Variants in ADAMTSL1 observed in about 807,000 individuals in gnomAD.
The protein encoded by ADAMTSL1 is ADAMTS like 1.
In ADAMTSL1, 126 loss-of-function variants were observed where a neutral mutation model predicts 201.8. That is an observed-to-expected ratio of 0.62 (90% CI 0.54 to 0.72). ADAMTSL1 has a LOEUF of 0.72. ADAMTSL1 is among the 30% of genes least tolerant of loss of function. The pLI, the probability that ADAMTSL1 is intolerant of heterozygous loss-of-function variation, is 0.00. For missense variants in ADAMTSL1, 2,679 were observed against 2,277.8 expected, an observed-to-expected ratio of 1.18 and a Z score of -3.59; for synonymous variants, 1,121 against 903.4, an observed-to-expected ratio of 1.24 and a Z score of -4.32.
Position 18,846,544 on chromosome 9 carries a change from T to C in ADAMTSL1, c.4249+16567T>C, listed in dbSNP as rs532017366. On this transcript the variant is annotated intron_variant, in intron 23 of 28. Transcript: ENST00000380548. ...CAAATTGCTGGTGCTCTGTAAGATA[T>C]TTACACTTTGCCCTAAGTGCAATGG... 7.9e-5 allele frequency among the ~76,000 whole-genome samples: 12 copies of C among 152,300 alleles called. No homozygotes were observed. In the South Asian group the frequency reaches 2.5e-3, roughly 32 times the overall value.
chr9:18,797,181 A>G (rs1428045204), intron 20 of ADAMTSL1, among the ~76,000 whole-genome samples: 2 of 152,202 alleles, frequency 1.3e-5, no homozygotes, highest in Non-Finnish European at 2.9e-5. Context: ...AAGTATGACT[A>G]CAGACACCAC....
At chr9:18,024,734 C>G (rs556642772) in intron 1 of ADAMTSL1, among the ~76,000 whole-genome samples, 2 of 152,012 alleles carry the variant, frequency 1.3e-5, no homozygotes, top group Non-Finnish European at 2.9e-5. Context: ...CGTACGAGTA[C>G]GTGTGTCTTT....
chr9:18,660,975 C>T (rs559796650), intron 8 of ADAMTSL1, among the ~76,000 whole-genome samples: 25 of 152,022 alleles, frequency 1.6e-4, no homozygotes, highest in Admixed American at 7.2e-4. Context: ...TAGCAATAAC[C>T]GTGTTCAACC....
intron 9 of ADAMTSL1, among the ~76,000 whole-genome samples, chr9:18,663,954 T>C (rs1322601027): frequency 6.6e-6 from 1 of 152,094 alleles, no homozygotes; most frequent in Non-Finnish European, 1.5e-5. Context: ...GCCTTTTCTA[T>C]GTCCAGTGTT....
chr9:18,061,574 C>T (rs558592861), intron 1 of ADAMTSL1, among the ~76,000 whole-genome samples: 1 of 152,240 alleles, frequency 6.6e-6, no homozygotes, highest in African/African-American at 2.4e-5. Context: ...GACCTAGGCT[C>T]TAACAGCTGT....
chr9:18,160,201 T>G (rs1352102615), intron 1 of ADAMTSL1, among the ~76,000 whole-genome samples: 1 of 152,012 alleles, frequency 6.6e-6, no homozygotes, highest in Admixed American at 6.6e-5. Context: ...GGGTCACTGT[T>G]TGAAGCGGGA....
At chr9:18,711,488 C>G (rs1050578781) in intron 14 of ADAMTSL1, among the ~76,000 whole-genome samples, 27 of 143,058 alleles carry the variant, frequency 1.9e-4, no homozygotes, top group African/African-American at 3.7e-4. Context: ...GGGTGACAGA[C>G]GGCACCTGGA....
chr9:17,948,775 G>C (rs1002486850), intron 1 of ADAMTSL1, among the ~76,000 whole-genome samples: 1 of 152,186 alleles, frequency 6.6e-6, no homozygotes, highest in African/African-American at 2.4e-5. Context: ...CTAATAAAAA[G>C]ACTTTAAAAA....
At chr9:18,606,396 T>C (rs1564084779) in intron 4 of ADAMTSL1, among the ~76,000 whole-genome samples, 1 of 152,184 alleles carries the variant, frequency 6.6e-6, no homozygotes, top group Non-Finnish European at 1.5e-5. Context: ...TTAGGAAATA[T>C]GATTGAGATG....
At chr9:18,799,190 G>A (rs906387720) in intron 20 of ADAMTSL1, among the ~76,000 whole-genome samples, 9 of 151,950 alleles carry the variant, frequency 5.9e-5, no homozygotes, top group Non-Finnish European at 8.8e-5. Context: ...GCTTAGGAGG[G>A]GAGGATTGCA....
intron 20 of ADAMTSL1, among the ~76,000 whole-genome samples, chr9:18,806,482 A>C (rs981030456): frequency 7.9e-5 from 12 of 152,310 alleles, no homozygotes; most frequent in African/African-American, 2.4e-4. Context: ...AGTTTAAACA[A>C]AGTTTCTATT....
At chr9:18,140,684 C>A (rs958310210) in intron 1 of ADAMTSL1, among the ~76,000 whole-genome samples, 2 of 152,156 alleles carry the variant, frequency 1.3e-5, no homozygotes, top group African/African-American at 4.8e-5. Context: ...ATCATCAGTT[C>A]TGAGAATGGT....
chr9:17,940,813 A>AACC (rs1554667553), intron 1 of ADAMTSL1, among the ~76,000 whole-genome samples: 5 of 68,258 alleles, frequency 7.3e-5, no homozygotes, highest in Non-Finnish European at 1.1e-4. Context: ...CCCCCCCCCC[A>AACC]AAAAAAAGAA....
chr9:18,211,754 A>G (rs1261659096), intron 2 of ADAMTSL1, among the ~76,000 whole-genome samples: 1 of 152,230 alleles, frequency 6.6e-6, no homozygotes, highest in African/African-American at 2.4e-5. Flanking sequence ...TTTTATATTT[A>G]TCTGTTTCCT....
chr9:18,062,395 A>C (rs1036118279), intron 1 of ADAMTSL1, among the ~76,000 whole-genome samples: 2 of 152,190 alleles, frequency 1.3e-5, no homozygotes, highest in African/African-American at 4.8e-5. Flanking sequence ...GCTGTTGCTA[A>C]TGTAACTGAA....
At chr9:18,215,137 TATAGTTTATCATTTATG>T (rs1830016107) in intron 2 of ADAMTSL1, among the ~76,000 whole-genome samples, 1 of 152,208 alleles carries the variant, frequency 6.6e-6, no homozygotes, top group Non-Finnish European at 1.5e-5. Context: ...GTATAGCCAA[TATAGTTTATCATTTATG>T]ATTATGTTAT....
At chr9:18,351,547 G>T (rs139385638) in intron 2 of ADAMTSL1, among the ~76,000 whole-genome samples, 3 of 152,130 alleles carry the variant, frequency 2.0e-5, no homozygotes, top group Non-Finnish European at 4.4e-5. Context: ...GAGAGTGTTG[G>T]CATTTGATTG....
At chr9:18,815,650 G>A (rs1467764293) in intron 20 of ADAMTSL1, among the ~76,000 whole-genome samples, 2 of 140,002 alleles carry the variant, frequency 1.4e-5, no homozygotes, top group African/African-American at 2.6e-5. Flanking sequence ...AGAGGCTGCA[G>A]TGAGCCAACA....
At chr9:18,674,148 G>T (rs1327095339) in intron 9 of ADAMTSL1, among the ~76,000 whole-genome samples, 1 of 150,216 alleles carries the variant, frequency 6.7e-6, no homozygotes, top group African/African-American at 2.4e-5. Context: ...TGCCCAAAAG[G>T]CAGCATCCCT....
Sources: allele counts gnomAD v4.1 joint callset (sites outside exome capture counted in the v4.1 genomes callset), GRCh38; gene constraint gnomAD v4.1.1; transcripts MANE v1.5; gene names NCBI Gene and HGNC (gene_info 2026-07-23, HGNC 2026-07-21).